Variants in WDFY4 observed in about 807,000 individuals in gnomAD.
WDFY4 encodes WD repeat- and FYVE domain-containing protein 4.
WDFY4 carries 169 observed loss-of-function variants against 351.9 expected under a neutral mutation model. That is an observed-to-expected ratio of 0.48 (90% CI 0.42 to 0.55). The LOEUF (loss-of-function observed/expected upper bound fraction) is 0.55. Among genes scored for constraint, WDFY4 ranks in the 20% least tolerant of loss-of-function variants. WDFY4 has a pLI of 0.00. For missense variants in WDFY4, 3,803 were observed against 3,935.6 expected, an observed-to-expected ratio of 0.97 and a Z score of 0.90; for synonymous variants, 1,622 against 1,574.6, an observed-to-expected ratio of 1.03 and a Z score of -0.71.
intron 56 of WDFY4, among the ~76,000 whole-genome samples, chr10:48,969,508 C>CCACAT (rs1265266225): frequency 1.3e-5 from 2 of 152,168 alleles, no homozygotes; most frequent in Non-Finnish European, 2.9e-5. Context: ...GGACACATGG[C>CCACAT]CACATTGAGC....
intron 39 of WDFY4, among the ~76,000 whole-genome samples, chr10:48,863,655 C>G (rs1233564333): frequency 6.6e-6 from 1 of 151,424 alleles, no homozygotes; most frequent in Non-Finnish European, 1.5e-5. Flanking sequence ...TCTTTTTTTA[C>G]TTTCTAATAG....
Position 48,796,410 on chromosome 10 carries a change from C to T in WDFY4, c.4370C>T (p.Thr1457Ile). ...CTGGGCTTCAGGTCATCTGCTATCA[C>T]CAACACTGGTGTCTTCCAGCACATC... ...VELGFRSSAI[T>I]NTGVFQHILC... The change falls in exon 24 of 62, where the codon ACC (threonine) becomes ATC (isoleucine). Residue 1457 changes from threonine (T) to isoleucine (I), a missense_variant. Thr to Ile is a moderately conservative substitution (Grantham distance 89, BLOSUM62 -1). Transcript: ENST00000325239. 1 of 1,552,070 alleles carries T rather than the reference C, an allele frequency of 6.4e-7. No homozygotes were observed. Among genetic ancestry groups the T allele is most frequent in the South Asian group, 1.2e-5 (1 of 84,062 alleles).
chr10:48,963,416 C>A (rs1841946624), intron 53 of WDFY4, among the ~76,000 whole-genome samples: 1 of 152,246 alleles, frequency 6.6e-6, no homozygotes, highest in Admixed American at 6.5e-5. Context: ...GCACGGTCTC[C>A]TGATCACTGC....
At chr10:48,790,102 G>A (rs541851008) in intron 22 of WDFY4, 117 bp downstream of exon 22, 2 of 1,011,936 alleles carry the variant, frequency 2.0e-6, no homozygotes, top group East Asian at 2.6e-5. Flanking sequence ...GGGAACCAGG[G>A]TCGGGAGGAC....
intron 51 of WDFY4, among the ~76,000 whole-genome samples, chr10:48,950,592 G>A (rs553568418): frequency 6.6e-6 from 1 of 152,332 alleles, no homozygotes; most frequent in South Asian, 2.1e-4. Context: ...TGACAAGGGA[G>A]ATGAGATGGG....
intron 47 of WDFY4, among the ~76,000 whole-genome samples, chr10:48,936,862 G>C (rs141816584): frequency 0.022 from 3,228 of 147,974 alleles, 71 homozygotes; most frequent in South Asian, 0.1. Flanking sequence ...GAAAAAAAAA[G>C]AAAATTAAAA....
rs761985020 is a variant in WDFY4 at position 48,914,101 on chromosome 10, T to C, written c.7586+12238T>C. ...TCAAAAGTGATTTTGATGCAATTCC[T>C]GGCCACCTTGAGGGTGATCTTCTTG... On this transcript the variant is annotated intron_variant, in intron 47 of 61. Transcript: ENST00000325239. The C allele has an allele frequency of 8.7e-6, 14 of 1,614,242 alleles. No individual in the cohort carries two copies. The South Asian group carries it at 1.4e-4, about 16-fold the overall frequency.
chr10:48,952,991 C>A (rs1015554275), intron 51 of WDFY4, among the ~76,000 whole-genome samples: 1 of 152,098 alleles, frequency 6.6e-6, no homozygotes, highest in African/African-American at 2.4e-5. Flanking sequence ...CAAAAGCTGC[C>A]CTGACAGTTC....
intron 27 of WDFY4, among the ~76,000 whole-genome samples, chr10:48,806,544 CCA>C (rs2067263258): frequency 6.6e-6 from 1 of 152,360 alleles, no homozygotes. Flanking sequence ...CAAGCTGTCC[CCA>C]GTCCCACCAA....
intron 23 of WDFY4, among the ~76,000 whole-genome samples, chr10:48,791,597 A>G (rs1357773247): frequency 6.6e-6 from 1 of 152,192 alleles, no homozygotes; most frequent in Non-Finnish European, 1.5e-5. Flanking sequence ...TGTGATTGTC[A>G]TTGCTATTTA....
intron 12 of WDFY4, among the ~76,000 whole-genome samples, chr10:48,747,276 C>T (rs775129281): frequency 6.6e-6 from 1 of 152,008 alleles, no homozygotes; most frequent in South Asian, 2.1e-4. Flanking sequence ...TTTCTCTGGT[C>T]GCTTTTAAGA....
At chr10:48,975,425 C>T (rs532103074) in intron 58 of WDFY4, among the ~76,000 whole-genome samples, 1 of 152,326 alleles carries the variant, frequency 6.6e-6, no homozygotes, top group South Asian at 2.1e-4. Context: ...TCTGCCTCTC[C>T]TTCCATACTG....
chr10:48,974,884 C>T lies in WDFY4; in HGVS notation c.8951C>T (p.Ala2984Val), dbSNP rs1842498924. The change falls in exon 58 of 62, where the codon GCT (alanine) becomes GTT (valine). Residue 2984 changes from alanine to valine, a missense_variant. Coordinates refer to ENST00000325239, the MANE Select transcript of WDFY4 (RefSeq NM_001394531.1). ...CAGGCCTTGTATGGACACACACAGG[C>T]TGTCACGTGCCTGGCAGCGTCAGTC... The part of the protein sequence containing the change: ...LRQALYGHTQ[A>V]VTCLAASVTF... The T allele has an allele frequency of 8.4e-6, 13 of 1,549,084 alleles. No homozygotes were observed. Among genetic ancestry groups the T allele is most frequent in the Non-Finnish European group, 1.1e-5 (13 of 1,145,350 alleles).
chr10:48,817,531 C>T (rs540468747), intron 32 of WDFY4, 122 bp downstream of exon 32: 39 of 1,247,122 alleles, frequency 3.1e-5, no homozygotes, highest in Middle Eastern at 3.9e-4. Flanking sequence ...GCAACTTGAG[C>T]GGAACATTGA....
intron 51 of WDFY4, 76 bp downstream of exon 51, chr10:48,947,045 C>A (rs1479575470): frequency 7.3e-6 from 9 of 1,231,650 alleles, no homozygotes; most frequent in Non-Finnish European, 1.0e-5. Flanking sequence ...AAGACTAAGA[C>A]CTGTGCTTGA....
intron 13 of WDFY4, 82 bp downstream of exon 13, chr10:48,760,522 T>G (rs557556184): frequency 7.1e-7 from 1 of 1,406,346 alleles, no homozygotes; most frequent in Non-Finnish European, 9.8e-7. Context: ...ACAGCTTTTT[T>G]CCTTTTGTCC....
chr10:48,788,554 C>A lies in WDFY4; in HGVS notation c.3833C>A (p.Thr1278Lys). ...VQGEDLDSEA[T>K]PFVAEERVSF... ...GGGGAGGACCTGGACAGTGAAGCCA[C>A]GCCCTTTGTTGCAGAAGAAAGAGTT... Residue 1278 changes from threonine to lysine, a missense_variant, in exon 21 of 62, where the codon ACG becomes AAG. This residue lies in a region of WDFY4 where 3,054 missense variants were observed against 3,148.6 expected (regional missense o/e 0.97). Transcript: ENST00000325239. 6.4e-7 allele frequency: 1 copy of A among 1,552,106 alleles called. No homozygotes were observed. The highest frequency in any genetic ancestry group is 8.7e-7 in the Non-Finnish European group (1 of 1,147,054).
In WDFY4 at chr10:48,743,206, G is replaced by A. The variant is rs773541933; in HGVS notation, c.2117G>A (p.Gly706Glu). ...PVNGYFFRRN[G>E]LFEKLAEDLC... ...AATGGCTACTTCTTCAGGAGGAATGGGCTCTTTGAGAAGCTGGCCGAGGAC... is the reference window on the plus strand; with the variant it reads ...AATGGCTACTTCTTCAGGAGGAATGAGCTCTTTGAGAAGCTGGCCGAGGAC... The change falls in exon 12 of 62, where the codon GGG (glycine) becomes GAG (glutamate). Residue 706 changes from glycine to glutamate, a missense_variant. Gly to Glu is a moderately conservative substitution (Grantham distance 98). Around this residue, in one of 3 missense-constraint regions of WDFY4, gnomAD observed 3,054 missense variants for 3,148.6 expected, o/e 0.97. Coordinates refer to ENST00000325239, the MANE Select transcript of WDFY4 (RefSeq NM_001394531.1). 34 of 1,551,592 alleles carry A rather than the reference G, an allele frequency of 2.2e-5. 1 individual carries two copies. The South Asian group carries it at 3.0e-4, about 14-fold the overall frequency.
intron 43 of WDFY4, 131 bp from the exon 44 acceptor site, chr10:48,890,448 G>A (rs971649668): frequency 3.6e-6 from 4 of 1,103,162 alleles, no homozygotes; most frequent in Non-Finnish European, 5.2e-6. Flanking sequence ...CAGCGGGACT[G>A]CCATTCATAC....
Sources: allele counts gnomAD v4.1 joint callset (sites outside exome capture counted in the v4.1 genomes callset), GRCh38; gene constraint gnomAD v4.1.1; regional missense constraint gnomAD v4.1.1; transcripts MANE v1.5; gene names NCBI Gene and HGNC (gene_info 2026-07-23, HGNC 2026-07-21).